Variants in ACAD11 observed in about 807,000 individuals in gnomAD.
ACAD11 encodes acyl-CoA dehydrogenase family member 11, also known as acyl-Coenzyme A dehydrogenase family, member 11.
A neutral mutation model predicts 102.2 loss-of-function variants in ACAD11; 83 were observed. The ratio of observed to expected loss-of-function variants is 0.81; its 90% CI spans 0.68 to 0.97. The LOEUF is 0.97. Ranked by LOEUF, ACAD11 falls within the 50% of genes least tolerant of loss-of-function variation. The pLI is 0.00. For missense variants in ACAD11, 901 were observed against 951.7 expected, an observed-to-expected ratio of 0.95 and a Z score of 0.70; for synonymous variants, 324 against 319.8, an observed-to-expected ratio of 1.01 and a Z score of -0.14.
At position 132,558,412 on chromosome 3, in the gene ACAD11, A is replaced by G. The variant is rs1246154400; in HGVS notation, c.*559T>C. On this transcript the variant is annotated 3_prime_UTR_variant, in exon 20 of 20. Transcript: ENST00000264990. ...TACAGTGAGGTTAAGGCTCAGTGGC[A>G]AACGTTAAAGAGGCCCACACAACAC... The G allele has an allele frequency of 6.5e-6, 1 of 152,742 alleles. No homozygotes were observed. Among genetic ancestry groups the G allele is most frequent in the African/African-American group, 2.4e-5 (1 of 41,454 alleles). 9.5% of individuals were successfully genotyped at this position (152,742 alleles called of 1,614,324 possible).
chr3:132,574,657 A>G (rs1937479963), intron 17 of ACAD11, among the ~76,000 whole-genome samples: 1 of 152,212 alleles, frequency 6.6e-6, no homozygotes, highest in African/African-American at 2.4e-5. Flanking sequence ...TTCCATCACC[A>G]CAGATTTGAC....
At chr3:132,610,208 C>T (rs778534819) in intron 11 of ACAD11, among the ~76,000 whole-genome samples, 34 of 152,082 alleles carry the variant, frequency 2.2e-4, no homozygotes, top group Non-Finnish European at 4.7e-4. Flanking sequence ...CCCTTTGAAA[C>T]TGGGACACAT....
intron 9 of ACAD11, among the ~76,000 whole-genome samples, chr3:132,625,280 A>G (rs1462886509): frequency 6.6e-6 from 1 of 152,068 alleles, no homozygotes; most frequent in Admixed American, 6.5e-5. Flanking sequence ...TTCCAAATCT[A>G]ATTTCCATTC....
At chr3:132,582,266 ATAAAT>A (rs1162390398) in intron 13 of ACAD11, among the ~76,000 whole-genome samples, 4 of 151,922 alleles carry the variant, frequency 2.6e-5, no homozygotes, top group Non-Finnish European at 5.9e-5. Flanking sequence ...TCTAAAATGA[ATAAAT>A]TAAGAAAGAG....
intron 9 of ACAD11, among the ~76,000 whole-genome samples, chr3:132,621,978 CAA>C (rs546732705): frequency 0.016 from 1,255 of 79,970 alleles, 11 homozygotes; most frequent in African/African-American, 0.039. Context: ...GACTCTGTCT[CAA>C]AAAAAAAAAA....
intron 11 of ACAD11, among the ~76,000 whole-genome samples, chr3:132,605,431 CTCT>C (rs780685832): frequency 3.9e-5 from 6 of 152,202 alleles, no homozygotes; most frequent in Admixed American, 1.3e-4. Context: ...GAATCACAGA[CTCT>C]TCTTCAGTTC....
At chr3:132,601,712 A>G in intron 13 of ACAD11, 2 of 448,404 alleles carry the variant, frequency 4.5e-6, no homozygotes, top group Admixed American at 3.5e-5. Flanking sequence ...TGTAACGAAG[A>G]AGAGCTTTGT....
intron 17 of ACAD11, among the ~76,000 whole-genome samples, chr3:132,574,154 AG>A (rs1937458322): frequency 6.6e-6 from 1 of 152,206 alleles, no homozygotes. Context: ...ACTTGCACAG[AG>A]GGCTTTTGTG....
intron 13 of ACAD11, among the ~76,000 whole-genome samples, chr3:132,589,773 T>C (rs997609690): frequency 6.6e-6 from 1 of 152,188 alleles, no homozygotes; most frequent in Non-Finnish European, 1.5e-5. Context: ...TAGGTGAACT[T>C]GTGTCATTAG....
intron 13 of ACAD11, among the ~76,000 whole-genome samples, chr3:132,580,377 A>T (rs190809977): frequency 6.6e-6 from 1 of 152,076 alleles, no homozygotes; most frequent in African/African-American, 2.4e-5. Flanking sequence ...TGTAATCAGT[A>T]AAGTTCAGAC....
At chr3:132,576,077 T>C (rs1464968716) in intron 16 of ACAD11, 151 bp from the exon 17 acceptor site, 2 of 798,178 alleles carry the variant, frequency 2.5e-6, no homozygotes, top group Non-Finnish European at 1.9e-6. Context: ...AGGTTCACTA[T>C]GAATTCATGG....
chr3:132,579,556 C>T lies in ACAD11; in HGVS notation c.1624G>A (p.Ala542Thr). Residue 542 changes from alanine to threonine, a missense_variant and splice_region_variant, in exon 14 of 20, where the codon GCT becomes ACT. Physicochemically the swap from Ala to Thr is moderately conservative, Grantham distance 58. Transcript: ENST00000264990. ...GCAATTTTGCACTTGGGATTCCCAG[C>T]TCCTAAAACCAAGGGGAACACAAGC... ...INGKKWWSSG[A>T]GNPKCKIAIV... The T allele has an allele frequency of 1.2e-6, 2 of 1,612,662 alleles. No individual in the cohort carries two copies. Among genetic ancestry groups the T allele is most frequent in the Non-Finnish European group, 1.7e-6 (2 of 1,179,088 alleles).
rs553027602 is a variant in ACAD11 at position 132,614,486 on chromosome 3, A to T, written c.1414+4148T>A. On this transcript the variant is annotated intron_variant, in intron 11 of 19. Transcript: ENST00000264990. Reference sequence around the variant, plus strand: ...TGGTACCGAAATAGATATATAGACCAATGGAACAGAACAGAGGCCTCAGAA... The same window carrying T: ...TGGTACCGAAATAGATATATAGACCTATGGAACAGAACAGAGGCCTCAGAA... 2.6e-5 allele frequency among the ~76,000 whole-genome samples: 4 copies of T among 152,270 alleles called. No individual in the cohort carries two copies. The South Asian group carries it at 8.3e-4, about 32-fold the overall frequency.
intron 11 of ACAD11, among the ~76,000 whole-genome samples, chr3:132,612,223 T>G (rs1187236077): frequency 6.6e-6 from 1 of 151,970 alleles, no homozygotes; most frequent in Non-Finnish European, 1.5e-5. Flanking sequence ...CAAAAATTAA[T>G]TCAAGATGGA....
intron 13 of ACAD11, among the ~76,000 whole-genome samples, chr3:132,584,269 ATAGT>A (rs1401038531): frequency 1.3e-5 from 2 of 152,128 alleles, no homozygotes; most frequent in East Asian, 1.9e-4. Flanking sequence ...TATATTTAGG[ATAGT>A]TAGTTCTTCT....
chr3:132,617,729 A>G (rs970211471), intron 11 of ACAD11, among the ~76,000 whole-genome samples: 2 of 152,286 alleles, frequency 1.3e-5, no homozygotes, highest in South Asian at 4.1e-4. Context: ...CATCCTTTCA[A>G]TGAAGGTATA....
At chr3:132,571,332 C>T (rs1937368826) in intron 17 of ACAD11, among the ~76,000 whole-genome samples, 1 of 146,980 alleles carries the variant, frequency 6.8e-6, no homozygotes, top group Admixed American at 6.8e-5. Flanking sequence ...TGTCTTTGGC[C>T]TACTTTTTAA....
At chr3:132,636,727 T>A (rs1940287385) in intron 5 of ACAD11, among the ~76,000 whole-genome samples, 4 of 152,080 alleles carry the variant, frequency 2.6e-5, no homozygotes, top group South Asian at 2.1e-4. Context: ...TTCTTGGCAA[T>A]GAGGCTAAAG....
intron 1 of ACAD11, among the ~76,000 whole-genome samples, chr3:132,657,861 T>C (rs920898044): frequency 1.4e-5 from 2 of 145,610 alleles, no homozygotes; most frequent in Middle Eastern, 3.3e-3. Flanking sequence ...AAAAAACACA[T>C]ATTCCTTTTT....
Sources: gnomAD v4.1 joint callset for allele counts (sites outside exome capture counted in the v4.1 genomes callset) on GRCh38, gnomAD v4.1.1 for gene constraint, MANE v1.5 for transcripts, NCBI Gene and HGNC (gene_info 2026-07-23, HGNC 2026-07-21) for gene names.